The following RIMBP2 variants were observed in gnomAD, a reference collection of about 807,000 sequenced individuals.
RIMBP2 encodes the protein RIMS binding protein 2.
Under a neutral mutation model 118.6 loss-of-function variants are expected in RIMBP2, and 48 were observed. That is an observed-to-expected ratio of 0.40 (90% CI 0.32 to 0.51). The LOEUF (loss-of-function observed/expected upper bound fraction) is 0.51. Ranked by LOEUF, RIMBP2 falls within the 20% of genes least tolerant of loss-of-function variation. The probability of loss-of-function intolerance (pLI) is 0.41; values close to 1 mark genes in which losing one functional copy is unlikely to be tolerated. For missense variants in RIMBP2, 1,551 were observed against 1,768.3 expected (o/e 0.88, Z 2.20); for synonymous variants, 762 against 742.9 (o/e 1.03, Z -0.42).
chr12:130,553,788 G>C (rs1347251532), intron 2 of RIMBP2, among the ~76,000 whole-genome samples: 2 of 152,212 alleles, frequency 1.3e-5, no homozygotes, highest in Non-Finnish European at 2.9e-5. Flanking sequence ...CAAAGACATA[G>C]AGCTGCCAGG....
intron 1 of RIMBP2, chr12:130,667,341 G>C (rs916692867): frequency 6.6e-6 from 1 of 152,168 alleles, no homozygotes; most frequent in African/African-American, 2.4e-5. Context: ...GAAACAGATG[G>C]CTCACTTAAA....
rs144864200 is a variant in RIMBP2 at position 130,414,560 on chromosome 12, G to C, written c.3239-254C>G. The C allele has an allele frequency of 2.4e-3, 770 of 316,454 alleles. 10 individuals carry two copies. Among genetic ancestry groups the C allele is most frequent in the African/African-American group, 0.016 (716 of 46,152 alleles). The allele number at this position is 316,454 out of a possible 1,614,324, so 19.6% of individuals were successfully genotyped here. On this transcript the variant is annotated intron_variant, in intron 17 of 22. Coordinates refer to ENST00000690449, the MANE Select transcript of RIMBP2 (RefSeq NM_001393629.1). Reference sequence around the variant, plus strand: ...ATTGAGACAGGGCTGGGCCTCGGGGGCCTCCTCAGAGAGCACAGGCTGGGG... The same window carrying C: ...ATTGAGACAGGGCTGGGCCTCGGGGCCCTCCTCAGAGAGCACAGGCTGGGG...
chr12:130,545,561 A>G (rs137871493), intron 2 of RIMBP2, among the ~76,000 whole-genome samples: 6 of 152,314 alleles, frequency 3.9e-5, no homozygotes, highest in Non-Finnish European at 7.3e-5. Flanking sequence ...TGGCTGCTCA[A>G]AAATGTAAAA....
intron 3 of RIMBP2, among the ~76,000 whole-genome samples, chr12:130,513,453 C>T (rs2051124761): frequency 1.3e-5 from 2 of 152,224 alleles, no homozygotes; most frequent in Admixed American, 1.3e-4. Flanking sequence ...GCATCAGCTA[C>T]TCAATGTGAC....
At position 130,456,713 on chromosome 12, in the gene RIMBP2, A is replaced by G; in HGVS notation, c.154-13T>C. On this transcript the variant is annotated splice_polypyrimidine_tract_variant and intron_variant, in intron 6 of 22. Transcript: ENST00000690449. ...CTCGAACCTTGGACTGCACGGCAGA[A>G]GCAGGACAGGGGGTCAGCGGTGGCA... is the stretch of plus-strand genomic sequence containing the variant. 1 of 1,590,782 alleles carries G rather than the reference A, an allele frequency of 6.3e-7. No individual in the cohort carries two copies. Among genetic ancestry groups the G allele is most frequent in the Non-Finnish European group, 8.6e-7 (1 of 1,164,018 alleles).
At chr12:130,615,964 C>G (rs989437601) in intron 2 of RIMBP2, among the ~76,000 whole-genome samples, 1 of 152,070 alleles carries the variant, frequency 6.6e-6, no homozygotes, top group Non-Finnish European at 1.5e-5. Flanking sequence ...CGGGCGGGGA[C>G]GTGGTCTGGA....
At chr12:130,610,839 C>T (rs528556762) in intron 2 of RIMBP2, among the ~76,000 whole-genome samples, 57 of 152,222 alleles carry the variant, frequency 3.7e-4, no homozygotes, top group African/African-American at 1.2e-3. Flanking sequence ...GGATTACAGG[C>T]GTGAGCCACC....
chr12:130,571,941 G>A (rs554430935), intron 2 of RIMBP2, among the ~76,000 whole-genome samples: 60 of 152,226 alleles, frequency 3.9e-4, no homozygotes, highest in Non-Finnish European at 5.9e-4. Context: ...CCTGAGCACC[G>A]TCCCTGGCTG....
At chr12:130,593,118 T>TGCCAGCACATTCTCC (rs1477490015) in intron 2 of RIMBP2, among the ~76,000 whole-genome samples, 1 of 152,226 alleles carries the variant, frequency 6.6e-6, no homozygotes, top group Non-Finnish European at 1.5e-5. Flanking sequence ...GGAGCATCCT[T>TGCCAGCACATTCTCC]GCCAGCACAT....
chr12:130,672,322 C>G (rs577035369), intron 1 of RIMBP2, among the ~76,000 whole-genome samples: 1 of 152,236 alleles, frequency 6.6e-6, no homozygotes, highest in Non-Finnish European at 1.5e-5. Flanking sequence ...CGCTTGGCAG[C>G]ATTATTTATG....
chr12:130,692,571 T>C (rs1184359478), intron 1 of RIMBP2, among the ~76,000 whole-genome samples: 1 of 151,806 alleles, frequency 6.6e-6, no homozygotes, highest in Non-Finnish European at 1.5e-5. Context: ...TCCTGACTCC[T>C]AGACCACCCC....
At chr12:130,488,640 T>C (rs1416149572) in intron 4 of RIMBP2, among the ~76,000 whole-genome samples, 1 of 151,740 alleles carries the variant, frequency 6.6e-6, no homozygotes, top group Non-Finnish European at 1.5e-5. Context: ...GTTGCAAGGC[T>C]GAGATATTAA....
intron 2 of RIMBP2, among the ~76,000 whole-genome samples, chr12:130,610,811 C>T (rs987432428): frequency 1.1e-4 from 17 of 152,100 alleles, no homozygotes; most frequent in Non-Finnish European, 1.9e-4. Context: ...CCGCCCGCCT[C>T]GGCCTCCCAA....
intron 2 of RIMBP2, among the ~76,000 whole-genome samples, chr12:130,592,309 G>A (rs1320637647): frequency 6.6e-6 from 1 of 152,152 alleles, no homozygotes; most frequent in African/African-American, 2.4e-5. Context: ...GGGAGGCTGT[G>A]GACACAGAGA....
At chr12:130,409,546 G>A (rs563103598) in intron 19 of RIMBP2, among the ~76,000 whole-genome samples, 5 of 151,806 alleles carry the variant, frequency 3.3e-5, no homozygotes, top group Admixed American at 2.0e-4. Context: ...GGGTTTCACC[G>A]TGTTAGCCAG....
intron 11 of RIMBP2, among the ~76,000 whole-genome samples, chr12:130,439,409 A>T (rs1221431796): frequency 7.1e-6 from 1 of 140,970 alleles, no homozygotes; most frequent in Non-Finnish European, 1.5e-5. Flanking sequence ...GTATGTATAT[A>T]TGTGTATATG....
chr12:130,461,614 G>A (rs1409464776), intron 6 of RIMBP2, among the ~76,000 whole-genome samples: 2 of 152,154 alleles, frequency 1.3e-5, no homozygotes, highest in African/African-American at 4.8e-5. Flanking sequence ...GGGCCTGGCG[G>A]GAGGTGTCTG....
At chr12:130,520,751 A>C (rs1177582893) in intron 2 of RIMBP2, among the ~76,000 whole-genome samples, 1 of 152,070 alleles carries the variant, frequency 6.6e-6, no homozygotes, top group Non-Finnish European at 1.5e-5. Flanking sequence ...CACTTCAAGA[A>C]TCACAAAAAA....
At chr12:130,644,837 T>G (rs11061052) in intron 1 of RIMBP2, among the ~76,000 whole-genome samples, 44,846 of 152,192 alleles carry the variant, frequency 0.29, 6,984 homozygotes, top group African/African-American at 0.38. Context: ...CCAACGGCTC[T>G]GGCTGACTTC....
Sources: gnomAD v4.1 joint callset for allele counts (sites outside exome capture counted in the v4.1 genomes callset) on GRCh38, gnomAD v4.1.1 for gene constraint, MANE v1.5 for transcripts, NCBI Gene and HGNC (gene_info 2026-07-23, HGNC 2026-07-21) for gene names.